Variants in MKLN1 observed in about 807,000 individuals in gnomAD.
The protein encoded by MKLN1 is muskelin 1, also known as muskelin.
MKLN1 carries 18 observed loss-of-function variants against 99.0 expected under a neutral mutation model. That is an observed-to-expected ratio of 0.18 (90% CI 0.13 to 0.27). MKLN1 has a LOEUF of 0.27. Among genes scored for constraint, MKLN1 ranks in the 10% least tolerant of loss-of-function variants. The probability of loss-of-function intolerance (pLI) is 1.00; values close to 1 mark genes in which losing one functional copy is unlikely to be tolerated. For synonymous variants in MKLN1, 288 were observed against 293.2 expected, an observed-to-expected ratio of 0.98 and a Z score of 0.18; for missense variants, 621 against 875.9, an observed-to-expected ratio of 0.71 and a Z score of 3.67.
At chr7:131,430,798 C>G (rs1436509252) in intron 9 of MKLN1, among the ~76,000 whole-genome samples, 1 of 152,138 alleles carries the variant, frequency 6.6e-6, no homozygotes, top group Non-Finnish European at 1.5e-5. Flanking sequence ...TGTGGTGGCT[C>G]ACACCTATAA....
In MKLN1 at chr7:131,137,707, T is replaced by C. The variant is rs1481429915; in HGVS notation, c.-418-5113T>C. On this transcript the variant is annotated intron_variant, in intron 1 of 7. Coordinates refer to the MKLN1 transcript ENST00000416992. ...CTCCTGCCTCAGCCTCCCAAGTAGC[T>C]GGGATTACGTGCATGCGCCACCATA... Among the ~76,000 whole-genome samples, 3 of 151,928 alleles carry C rather than the reference T, an allele frequency of 2.0e-5. No individual in the cohort carries two copies. The East Asian group carries it at 5.8e-4, about 29-fold the overall frequency.
intron 1 of MKLN1, among the ~76,000 whole-genome samples, chr7:131,357,014 G>A (rs1242413279): frequency 6.6e-6 from 1 of 152,152 alleles, no homozygotes; most frequent in Non-Finnish European, 1.5e-5. Context: ...CCAAGTGAGT[G>A]ACTTGAGAAA....
chr7:131,138,253 C>T (rs1022243070), intron 1 of MKLN1, among the ~76,000 whole-genome samples: 2 of 152,134 alleles, frequency 1.3e-5, no homozygotes, highest in East Asian at 1.9e-4. Flanking sequence ...CATTTTGGTC[C>T]TTGTTATTTC....
In MKLN1 at chr7:131,256,097, C is replaced by A. The variant is rs1331571585; in HGVS notation, c.-179+53123C>A. The stretch of plus-strand genomic sequence containing the variant: ...ATTTTTGTATTTTTAGTAGAGACAG[C>A]ATTTCACCATGTTGTCCAGGCTGGT... On this transcript the variant is annotated intron_variant, in intron 3 of 7. Transcript: ENST00000416992. 3.3e-5 allele frequency among the ~76,000 whole-genome samples: 5 copies of A among 150,694 alleles called. No individual in the cohort carries two copies. In the South Asian group the frequency reaches 1.1e-3, roughly 32 times the overall value.
At chr7:131,270,304 C>A (rs1427795974) in intron 3 of MKLN1, among the ~76,000 whole-genome samples, 1 of 152,042 alleles carries the variant, frequency 6.6e-6, no homozygotes, top group Non-Finnish European at 1.5e-5. Context: ...CTCACTGTAA[C>A]CTCTGCCTCC....
At chr7:131,214,186 C>G (rs977414844) in intron 3 of MKLN1, among the ~76,000 whole-genome samples, 5 of 152,160 alleles carry the variant, frequency 3.3e-5, no homozygotes, top group Admixed American at 6.5e-5. Context: ...CTGAGCCCAG[C>G]CCTCGTTCTC....
intron 1 of MKLN1, among the ~76,000 whole-genome samples, chr7:131,128,526 G>T (rs776920216): frequency 6.6e-6 from 1 of 152,062 alleles, no homozygotes; most frequent in African/African-American, 2.4e-5. Context: ...AAAAGAAGAA[G>T]AAAGAAAGGA....
At chr7:131,260,951 T>C (rs947569504) in intron 3 of MKLN1, among the ~76,000 whole-genome samples, 2 of 152,188 alleles carry the variant, frequency 1.3e-5, no homozygotes, top group African/African-American at 4.8e-5. Context: ...ATGCAGAAGA[T>C]TGAAGCTGGA....
At chr7:131,380,436 CA>C (rs1563320344) in intron 2 of MKLN1, among the ~76,000 whole-genome samples, 2 of 151,508 alleles carry the variant, frequency 1.3e-5, no homozygotes, top group African/African-American at 4.9e-5. Flanking sequence ...TAAAAAATAC[CA>C]ACAAAAAATG....
At chr7:131,431,920 C>G (rs1375504635) in intron 9 of MKLN1, among the ~76,000 whole-genome samples, 1 of 152,130 alleles carries the variant, frequency 6.6e-6, no homozygotes, top group Non-Finnish European at 1.5e-5. Flanking sequence ...AGGCTCTCCC[C>G]CTAACTTTAC....
At chr7:131,146,948 C>A (rs575809604) in intron 2 of MKLN1, among the ~76,000 whole-genome samples, 1 of 151,854 alleles carries the variant, frequency 6.6e-6, no homozygotes, top group African/African-American at 2.4e-5. Flanking sequence ...ATAGCAGTTG[C>A]GTGTATGTTT....
chr7:131,164,555 AT>A (rs762597046), intron 2 of MKLN1, among the ~76,000 whole-genome samples: 4 of 152,026 alleles, frequency 2.6e-5, no homozygotes, highest in Non-Finnish European at 4.4e-5. Context: ...TATATGTGCC[AT>A]TTTTTTTGTT....
intron 1 of MKLN1, among the ~76,000 whole-genome samples, chr7:131,351,157 A>G (rs1409945652): frequency 5.3e-5 from 8 of 152,006 alleles, no homozygotes; most frequent in Non-Finnish European, 1.0e-4. Flanking sequence ...CTGAGGCAAG[A>G]GGATTGCTTG....
At chr7:131,337,341 C>A (rs1348875125) in intron 1 of MKLN1, among the ~76,000 whole-genome samples, 1 of 152,040 alleles carries the variant, frequency 6.6e-6, no homozygotes, top group African/African-American at 2.4e-5. Context: ...CCAATTAAAT[C>A]TTTATTATAC....
chr7:131,417,446 C>G (rs10215850), intron 8 of MKLN1, among the ~76,000 whole-genome samples: 2 of 152,098 alleles, frequency 1.3e-5, no homozygotes, highest in East Asian at 3.8e-4. Context: ...TAAAAGAAAT[C>G]ATGGGTGGTC....
At chr7:131,184,959 A>G (rs905440907) in intron 2 of MKLN1, among the ~76,000 whole-genome samples, 2 of 152,230 alleles carry the variant, frequency 1.3e-5, no homozygotes, top group African/African-American at 4.8e-5. Flanking sequence ...GATCTACTGT[A>G]TAACTTGCCT....
Position 131,489,700 on chromosome 7 carries a change from C to T in MKLN1, c.*1972C>T, listed in dbSNP as rs1407847181. 1 of 152,062 alleles carries T rather than the reference C, an allele frequency of 6.6e-6. No individual in the cohort carries two copies. The highest frequency in any genetic ancestry group is 2.4e-5 in the African/African-American group (1 of 41,412). The allele number at this position is 152,062 out of a possible 1,614,324, so 9.4% of individuals were successfully genotyped here. A position where few individuals can be genotyped will look rare whatever the true frequency, so the allele number is the denominator to read the frequency against. ...TGCTGCCCTCCACCATTTATTTTTA[C>T]AGTGCTTTGTAATTTTTTTCATCAG... On this transcript the variant is annotated 3_prime_UTR_variant, in exon 18 of 18. Transcript: ENST00000352689.
At chr7:131,239,128 G>C (rs1180623462) in intron 3 of MKLN1, among the ~76,000 whole-genome samples, 1 of 152,154 alleles carries the variant, frequency 6.6e-6, no homozygotes, top group Non-Finnish European at 1.5e-5. Flanking sequence ...GGGTGCTGGG[G>C]AGGGTGGCAG....
chr7:131,327,869 G>A (rs546626136), upstream of MKLN1: 17 of 1,606,338 alleles, frequency 1.1e-5, no homozygotes, highest in East Asian at 3.4e-4. Flanking sequence ...CGCTGCCAGC[G>A]GTCGGTGGCG....
Sources: gnomAD v4.1 joint callset for allele counts (sites outside exome capture counted in the v4.1 genomes callset) on GRCh38, gnomAD v4.1.1 for gene constraint, MANE v1.5 for transcripts, NCBI Gene and HGNC (gene_info 2026-07-23, HGNC 2026-07-21) for gene names.